The following B4GALNT3 variants were observed in gnomAD, a reference collection of about 807,000 sequenced individuals.
B4GALNT3 encodes beta-1,4-N-acetylgalactosaminyltransferase 3.
In B4GALNT3, 86 loss-of-function variants were observed where a neutral mutation model predicts 120.2. The observed-to-expected ratio is 0.72, with a 90% CI of 0.60 to 0.86. B4GALNT3 has a LOEUF of 0.86. Among genes scored for constraint, B4GALNT3 ranks in the 40% least tolerant of loss-of-function variants. The probability of loss-of-function intolerance (pLI) is 0.00; values close to 1 mark genes in which losing one functional copy is unlikely to be tolerated. For missense variants in B4GALNT3, 1,167 were observed against 1,298.9 expected (o/e 0.90, Z 1.56); for synonymous variants, 518 against 510.4 (o/e 1.01, Z -0.20).
chr12:509,256 G>C (rs1035110979), intron 1 of B4GALNT3, among the ~76,000 whole-genome samples: 5 of 152,264 alleles, frequency 3.3e-5, no homozygotes, highest in African/African-American at 9.6e-5. Flanking sequence ...GGATGGGCTT[G>C]TTAACAGCTG....
intron 1 of B4GALNT3, among the ~76,000 whole-genome samples, chr12:496,464 G>A (rs1052906255): frequency 2.0e-4 from 30 of 152,186 alleles, no homozygotes; most frequent in African/African-American, 7.2e-4. Flanking sequence ...TCCAGGCGTG[G>A]TGGCACACAC....
chr12:550,060 C>T lies in B4GALNT3; in HGVS notation c.997+148C>T, dbSNP rs1013793162. Reference sequence around the variant, plus strand: ...GTCCTTGTAACATAGAACATGCATACAGAAAAGAGAGCATGTAAATAAGTA... The same window carrying T: ...GTCCTTGTAACATAGAACATGCATATAGAAAAGAGAGCATGTAAATAAGTA... On this transcript the variant is annotated intron_variant, in intron 10 of 19. Transcript: ENST00000266383. This position sits in a 1 kb window ranked among gnomAD's most constrained non-coding sequence, Gnocchi z 4.1. 2.3e-6 allele frequency: 2 copies of T among 860,828 alleles called. No homozygotes were observed. Among genetic ancestry groups the T allele is most frequent in the Non-Finnish European group, 3.5e-6 (2 of 568,650 alleles). 53.3% of individuals were successfully genotyped at this position (860,828 alleles called of 1,614,324 possible).
chr12:479,609 A>T (rs180679786), intron 1 of B4GALNT3, among the ~76,000 whole-genome samples: 2 of 152,298 alleles, frequency 1.3e-5, no homozygotes. Flanking sequence ...AGGTGCAGAT[A>T]AAAAGTCTGG....
At chr12:513,173 TCCACCTTCTTCCACCTTCCAC>T (rs1367347058) in intron 1 of B4GALNT3, among the ~76,000 whole-genome samples, 2 of 148,688 alleles carry the variant, frequency 1.3e-5, no homozygotes, top group African/African-American at 2.5e-5. Flanking sequence ...CCTTCCACCT[TCCACCTTCTTCCACCTTCCAC>T]CTTCCACCTT....
At chr12:542,408 ACTT>A (rs763262111) in intron 3 of B4GALNT3, among the ~76,000 whole-genome samples, 5 of 151,632 alleles carry the variant, frequency 3.3e-5, no homozygotes, top group Non-Finnish European at 7.4e-5. Flanking sequence ...AACTTGTGCC[ACTT>A]CTTCTTATCT....
intron 1 of B4GALNT3, among the ~76,000 whole-genome samples, chr12:511,236 C>T (rs1483976509): frequency 6.6e-6 from 1 of 151,596 alleles, no homozygotes; most frequent in Non-Finnish European, 1.5e-5. Context: ...CACCATCCAC[C>T]TTCCACCTTC....
intron 1 of B4GALNT3, among the ~76,000 whole-genome samples, chr12:473,114 A>G (rs1054037468): frequency 1.2e-4 from 18 of 152,066 alleles, no homozygotes; most frequent in Admixed American, 1.1e-3. Context: ...GACCACAGGC[A>G]TACACCACCA....
rs956137092 is a variant in B4GALNT3, at chr12:460,184, C to T, written c.-193C>T. Among the ~76,000 whole-genome samples, 6 of 150,580 alleles carry T rather than the reference C, an allele frequency of 4.0e-5. No homozygotes were observed. Among genetic ancestry groups the T allele is most frequent in the Admixed American group, 2.6e-4 (4 of 15,152 alleles). The stretch of plus-strand genomic sequence containing the variant: ...CCCGGAGAGACCTGCTGGGCGCCCG[C>T]GCAGCCCGGAGACCCCTCGCGCCCG... On this transcript the variant is annotated 5_prime_UTR_variant, in exon 1 of 20. Coordinates refer to ENST00000266383, the MANE Select transcript of B4GALNT3 (RefSeq NM_173593.4). The surrounding 1 kb of genome is among the most constrained non-coding windows in gnomAD (Gnocchi z 8.0).
In B4GALNT3 at chr12:513,088, ACCTTCCG is replaced by A. The variant is rs756306788; in HGVS notation, c.170-22071_170-22065del. 6.8e-3 allele frequency among the ~76,000 whole-genome samples: 751 copies of A among 109,830 alleles called. 12 individuals are homozygous for A. The highest frequency in any genetic ancestry group is 0.025 in the African/African-American group (687 of 27,538). 72.1% of individuals were successfully genotyped at this position (109,830 alleles called of 152,430 possible). A position where few individuals can be genotyped will look rare whatever the true frequency, so the allele number is the denominator to read the frequency against. ...TTCCACCTTTGACCTTTCACCTTCC[ACCTTCCG>A]CCTTCCACCTTCTGCCTTCCTTCCA... On this transcript the variant is annotated intron_variant, in intron 1 of 19. Transcript: ENST00000266383.
At chr12:545,824 G>A (rs1242324336) in intron 6 of B4GALNT3, among the ~76,000 whole-genome samples, 6 of 78,296 alleles carry the variant, frequency 7.7e-5, no homozygotes, top group Admixed American at 1.4e-4. Flanking sequence ...GGAGGAGCGA[G>A]GAGTGGGGAG....
chr12:546,520 C>T (rs1460878391), intron 6 of B4GALNT3, 126 bp from the exon 7 acceptor site: 2 of 862,004 alleles, frequency 2.3e-6, no homozygotes, highest in African/African-American at 1.7e-5. Context: ...CTCTCACCTT[C>T]ATTCCGCCCG....
chr12:534,427 C>T (rs1038458361), intron 1 of B4GALNT3, among the ~76,000 whole-genome samples: 4 of 152,180 alleles, frequency 2.6e-5, no homozygotes, highest in Non-Finnish European at 5.9e-5. Context: ...TGGTGCAGCC[C>T]CTTGCCTCCT....
chr12:507,884 C>G (rs1946513705), intron 1 of B4GALNT3, among the ~76,000 whole-genome samples: 5 of 151,724 alleles, frequency 3.3e-5, no homozygotes, highest in Admixed American at 2.6e-4. Flanking sequence ...TGGTGGACAC[C>G]TGCCCCTGGA....
At chr12:484,488 T>C (rs909957468) in intron 1 of B4GALNT3, among the ~76,000 whole-genome samples, 10 of 152,162 alleles carry the variant, frequency 6.6e-5, no homozygotes, top group African/African-American at 2.4e-4. Context: ...ACTCTAGCTT[T>C]AAGAATTATT....
intron 1 of B4GALNT3, among the ~76,000 whole-genome samples, chr12:510,546 G>A (rs566200504): frequency 6.6e-6 from 1 of 151,296 alleles, no homozygotes; most frequent in Non-Finnish European, 1.5e-5. Context: ...CTGTTTACCC[G>A]CCTCATGCCC....
Position 548,237 on chromosome 12 carries a change from C to T in B4GALNT3, c.793C>T (p.Arg265Trp), listed in dbSNP as rs374755766. ...GTDHVEVAWRRNDPGAKFTII... is the reference protein window; with the variant it reads ...GTDHVEVAWRWNDPGAKFTII... ...CCTCTCTCTCCTCTTCCAGTGGCGA[C>T]GGAACGACCCTGGAGCCAAGTTCAC... Residue 265 changes from arginine (R) to tryptophan (W), a missense_variant, in exon 9 of 20, where the codon CGG becomes TGG. By Grantham distance (101) the Arg-to-Trp change is moderately radical. This residue lies in a region of B4GALNT3 where 983 missense variants were observed against 1,102.5 expected (regional missense o/e 0.89). Transcript: ENST00000266383. The surrounding 1 kb of genome is among the most constrained non-coding windows in gnomAD (Gnocchi z 4.9). 2.3e-5 allele frequency: 37 copies of T among 1,613,882 alleles called. No homozygotes were observed. In the Middle Eastern group the frequency reaches 6.6e-4, roughly 29 times the overall value.
At chr12:500,483 G>C (rs1565594667) in intron 1 of B4GALNT3, among the ~76,000 whole-genome samples, 1 of 152,184 alleles carries the variant, frequency 6.6e-6, no homozygotes, top group African/African-American at 2.4e-5. Flanking sequence ...ATGTAACAGG[G>C]CTCCAGTGGC....
Position 502,407 on chromosome 12 carries a change from G to A in B4GALNT3, c.170-32759G>A, listed in dbSNP as rs563954977. 2.6e-5 allele frequency among the ~76,000 whole-genome samples: 4 copies of A among 152,210 alleles called. No individual in the cohort carries two copies. The East Asian group carries it at 7.7e-4, about 29-fold the overall frequency. On this transcript the variant is annotated intron_variant, in intron 1 of 19. Coordinates refer to ENST00000266383, the MANE Select transcript of B4GALNT3 (RefSeq NM_173593.4). Reference sequence around the variant, plus strand: ...TATACGCTCTGGGGCCTCCCTTGAAGGTAAAATATTATATCACAGCTTTAG... The same window carrying A: ...TATACGCTCTGGGGCCTCCCTTGAAAGTAAAATATTATATCACAGCTTTAG...
intron 19 of B4GALNT3, among the ~76,000 whole-genome samples, 159 bp downstream of exon 19, chr12:559,580 C>T (rs114324580): frequency 0.02 from 3,019 of 152,226 alleles, 81 homozygotes; most frequent in African/African-American, 0.058. Flanking sequence ...TCACCGGCCT[C>T]GCTGGGACTC....
Sources: gnomAD v4.1 joint callset for allele counts (sites outside exome capture counted in the v4.1 genomes callset) on GRCh38, gnomAD v4.1.1 for gene constraint, gnomAD v4.1.1 regional missense constraint, Gnocchi (gnomAD v3.1) non-coding constraint, MANE v1.5 for transcripts, NCBI Gene and HGNC (gene_info 2026-07-23, HGNC 2026-07-21) for gene names.